ENPP1: variants seen among roughly 807,000 people sequenced by gnomAD.
The protein encoded by ENPP1 is ectonucleotide pyrophosphatase/phosphodiesterase family member 1.
In ENPP1, 73 loss-of-function variants were observed where a neutral mutation model predicts 122.8. The observed-to-expected ratio is 0.59, with a 90% confidence interval of 0.49 to 0.72. The LOEUF (loss-of-function observed/expected upper bound fraction) is 0.72, where lower values mean the gene tolerates loss of function less well. ENPP1 is among the 30% of genes least tolerant of loss of function. The probability of loss-of-function intolerance (pLI) is 0.00; values close to 1 mark genes in which losing one functional copy is unlikely to be tolerated. For synonymous variants in ENPP1, 367 were observed against 391.6 expected (o/e 0.94, Z 0.74); for missense variants, 978 against 1,128.1 (o/e 0.87, Z 1.91).
chr6:131,814,020 A>G (rs775399328), intron 1 of ENPP1, among the ~76,000 whole-genome samples: 6 of 152,186 alleles, frequency 3.9e-5, no homozygotes, highest in Non-Finnish European at 7.3e-5. Flanking sequence ...AGGGAAGGTT[A>G]AAGCTTTCTG....
chr6:131,873,262 A>G (rs1174697179), intron 15 of ENPP1, among the ~76,000 whole-genome samples: 2 of 152,098 alleles, frequency 1.3e-5, no homozygotes, highest in Non-Finnish European at 2.9e-5. Context: ...GGGATATTTG[A>G]CAAGGATCCT....
rs144490268 is a variant in ENPP1, at chr6:131,881,790, G to A, written c.2101-555G>A. 9.2e-3 allele frequency among the ~76,000 whole-genome samples: 1,394 copies of A among 152,080 alleles called. 14 individuals are homozygous for A. The highest frequency in any genetic ancestry group is 0.019 in the South Asian group (90 of 4,812). On this transcript the variant is annotated intron_variant, in intron 20 of 24. Coordinates refer to ENST00000647893, the MANE Select transcript of ENPP1 (RefSeq NM_006208.3). ...CCCAGCACTTTGAGGGGGCTGCAGC[G>A]GATGGATCACCTGAGGTCAGGAGCT...
chr6:131,846,234 C>T (rs1376722063), intron 1 of ENPP1, among the ~76,000 whole-genome samples: 1 of 152,182 alleles, frequency 6.6e-6, no homozygotes, highest in African/African-American at 2.4e-5. Context: ...ACCCATTCCT[C>T]CTGTCTCTAT....
intron 13 of ENPP1, 141 bp downstream of exon 13, chr6:131,869,630 A>G (rs1399027098): frequency 1.4e-6 from 1 of 740,076 alleles, no homozygotes; most frequent in East Asian, 2.7e-5. Context: ...GGAGTTCGAG[A>G]CCAGCCTGGC....
At chr6:131,887,744 T>TTTTG (rs1214292929) in intron 24 of ENPP1, among the ~76,000 whole-genome samples, 1 of 147,962 alleles carries the variant, frequency 6.8e-6, no homozygotes, top group Admixed American at 6.8e-5. Flanking sequence ...TTTTTTTTTT[T>TTTTG]TTAGTAGAGA....
chr6:131,883,500 T>C (rs1782338989), intron 21 of ENPP1, among the ~76,000 whole-genome samples, 194 bp from the exon 22 acceptor site: 1 of 152,228 alleles, frequency 6.6e-6, no homozygotes. Context: ...TGAAAAGACT[T>C]CTTAAATATT....
At chr6:131,881,322 A>T (rs1229248660) in intron 20 of ENPP1, among the ~76,000 whole-genome samples, 3 of 152,128 alleles carry the variant, frequency 2.0e-5, no homozygotes, top group Non-Finnish European at 4.4e-5. Context: ...ACTTAAAAAA[A>T]TTTTTGACTT....
At chr6:131,876,130 C>T (rs1782228154) in intron 17 of ENPP1, among the ~76,000 whole-genome samples, 1 of 152,188 alleles carries the variant, frequency 6.6e-6, no homozygotes, top group Non-Finnish European at 1.5e-5. Flanking sequence ...CAGCACTTTG[C>T]TAGGCCCTCG....
At chr6:131,873,970 C>G (rs548106955) in intron 15 of ENPP1, among the ~76,000 whole-genome samples, 1 of 152,210 alleles carries the variant, frequency 6.6e-6, no homozygotes, top group African/African-American at 2.4e-5. Flanking sequence ...TCAAAGAAGA[C>G]AGTTAAATCT....
At position 131,852,242 on chromosome 6, in the gene ENPP1, T is replaced by A; in HGVS notation, c.617+7T>A. 1 of 1,583,850 alleles carries A rather than the reference T, an allele frequency of 6.3e-7. No homozygotes were observed. Among genetic ancestry groups the A allele is most frequent in the Non-Finnish European group, 8.6e-7 (1 of 1,158,630 alleles). ...AGCCACAGTGCCCAGCAGGGTAAGA[T>A]TATATTCTGAGGTATTAATTTTTTC... On this transcript the variant is annotated splice_region_variant and intron_variant, in intron 5 of 24. Transcript: ENST00000647893.
At chr6:131,887,121 C>T (rs1048965747) in intron 24 of ENPP1, among the ~76,000 whole-genome samples, 1 of 151,630 alleles carries the variant, frequency 6.6e-6, no homozygotes, top group African/African-American at 2.4e-5. Flanking sequence ...TATGGCTTAA[C>T]CACTAAAGTC....
At chr6:131,839,624 AATAAAT>A (rs1372436309) in intron 1 of ENPP1, among the ~76,000 whole-genome samples, 1 of 152,182 alleles carries the variant, frequency 6.6e-6, no homozygotes, top group Non-Finnish European at 1.5e-5. Flanking sequence ...AACTTTGGAA[AATAAAT>A]ATAAACACTA....
chr6:131,837,511 ACT>A (rs1240576924), intron 1 of ENPP1, among the ~76,000 whole-genome samples: 2 of 116,656 alleles, frequency 1.7e-5, no homozygotes, highest in Non-Finnish European at 3.3e-5. Context: ...ACAGTGTGAG[ACT>A]CTGTCTCAAA....
intron 4 of ENPP1, among the ~76,000 whole-genome samples, chr6:131,851,947 T>G (rs1229962891): frequency 2.6e-5 from 4 of 152,170 alleles, no homozygotes; most frequent in Non-Finnish European, 4.4e-5. Context: ...GTAGTATGTT[T>G]TAGTCTTACA....
rs557933519 is a variant in ENPP1, at chr6:131,811,210, G to T, written c.240+2935G>T. The stretch of plus-strand genomic sequence containing the variant: ...CATTTCTCCAGTTAGCTCCTCAAAA[G>T]CATTTTTTTTGTGTTGTTTGTGACC... On this transcript the variant is annotated intron_variant, in intron 1 of 24. Transcript: ENST00000647893. 2.0e-5 allele frequency among the ~76,000 whole-genome samples: 3 copies of T among 151,900 alleles called. No individual in the cohort carries two copies. The East Asian group carries it at 5.8e-4, about 29-fold the overall frequency.
chr6:131,888,521 A>G (rs1000993459), intron 24 of ENPP1, among the ~76,000 whole-genome samples: 1 of 152,224 alleles, frequency 6.6e-6, no homozygotes, highest in Non-Finnish European at 1.5e-5. Flanking sequence ...AGAGTAGAAT[A>G]CAATGATCCG....
chr6:131,822,067 G>A (rs1424994684), intron 1 of ENPP1, among the ~76,000 whole-genome samples: 1 of 152,080 alleles, frequency 6.6e-6, no homozygotes, highest in African/African-American at 2.4e-5. Flanking sequence ...AGACTCTGTT[G>A]GTCTTATCTA....
At chr6:131,832,973 CAG>C (rs1781632562) in intron 1 of ENPP1, among the ~76,000 whole-genome samples, 1 of 152,192 alleles carries the variant, frequency 6.6e-6, no homozygotes, top group Non-Finnish European at 1.5e-5. Context: ...GATTTATAAA[CAG>C]AAATTTAGGT....
At chr6:131,851,572 G>T in intron 4 of ENPP1, 1 of 394,698 alleles carries the variant, frequency 2.5e-6, no homozygotes. Context: ...TTTGATAATA[G>T]CAGCACACTT....
Sources: gnomAD v4.1 joint callset for allele counts (sites outside exome capture counted in the v4.1 genomes callset) on GRCh38, gnomAD v4.1.1 for gene constraint, MANE v1.5 for transcripts, NCBI Gene and HGNC (gene_info 2026-07-23, HGNC 2026-07-21) for gene names.